CAST: variants seen among roughly 807,000 people sequenced by gnomAD.
The protein encoded by CAST is MIR583 host.
In CAST, 76 loss-of-function variants were observed where a neutral mutation model predicts 119.6. That is an observed-to-expected ratio of 0.64 (90% CI 0.53 to 0.77). The LOEUF (loss-of-function observed/expected upper bound fraction) is 0.77, where lower values mean the gene tolerates loss of function less well. CAST is among the 30% of genes least tolerant of loss of function. The pLI is 0.00. For synonymous variants in CAST, 319 were observed against 331.6 expected (o/e 0.96, Z 0.41); for missense variants, 953 against 946.5 (o/e 1.01, Z -0.09).
chr5:96,481,496 A>G, the CAST span, among the ~76,000 whole-genome samples: 1 of 152,310 alleles, frequency 6.6e-6, no homozygotes, highest in African/African-American at 2.4e-5. Flanking sequence ...CTTGTGGCCC[A>G]ATAAGAAACA....
the CAST span, among the ~76,000 whole-genome samples, chr5:96,482,019 T>C: frequency 6.6e-6 from 1 of 152,178 alleles, no homozygotes; most frequent in Non-Finnish European, 1.5e-5. Context: ...TACATGAGCA[T>C]GGTAATGAAG....
chr5:96,290,440 C>G, the CAST span, among the ~76,000 whole-genome samples: 1 of 151,080 alleles, frequency 6.6e-6, no homozygotes, highest in African/African-American at 2.4e-5. Context: ...TATAGCAATT[C>G]CCCTTTTATT....
At chr5:96,111,780 G>C in the CAST span, among the ~76,000 whole-genome samples, 1 of 152,040 alleles carries the variant, frequency 6.6e-6, no homozygotes, top group Non-Finnish European at 1.5e-5. Flanking sequence ...ATGTTGGAGG[G>C]CACCAATTTA....
chr5:96,283,830 T>G, the CAST span, among the ~76,000 whole-genome samples: 1 of 152,250 alleles, frequency 6.6e-6, no homozygotes, highest in Admixed American at 6.5e-5. Context: ...AGTTCCTTTC[T>G]CAAATGACTT....
At position 96,750,736 on chromosome 5, in the gene CAST, T is replaced by C. The variant is rs373334279; in HGVS notation, c.1524+54T>C. 4 of 938,604 alleles carry C rather than the reference T, an allele frequency of 4.3e-6. No individual in the cohort carries two copies. The African/African-American group carries it at 6.5e-5, about 15-fold the overall frequency. 58.1% of individuals were successfully genotyped at this position (938,604 alleles called of 1,614,324 possible). ...TGGCTTGAGAAAGTTTTCTGCCTCC[T>C]CCTGTCACTCTCTGCTGTGTATTAC... On this transcript the variant is annotated intron_variant, in intron 20 of 31. Coordinates refer to ENST00000675179, the MANE Select transcript of CAST (RefSeq NM_001750.7).
At chr5:96,352,457 A>T in the CAST span, among the ~76,000 whole-genome samples, 1 of 152,166 alleles carries the variant, frequency 6.6e-6, no homozygotes, top group East Asian at 1.9e-4. Flanking sequence ...ACTGTTTCTA[A>T]GGGTTTCAGA....
chr5:96,569,892 T>C (rs988701714), intron 1 of CAST, among the ~76,000 whole-genome samples: 1 of 152,236 alleles, frequency 6.6e-6, no homozygotes, highest in African/African-American at 2.4e-5. Context: ...ATACATCTGA[T>C]TCGGCAGGGG....
chr5:96,283,857 C>CG, the CAST span, among the ~76,000 whole-genome samples: 1 of 152,164 alleles, frequency 6.6e-6, no homozygotes, highest in African/African-American at 2.4e-5. Context: ...CTGTTAGTAA[C>CG]GGAAGGTCAG....
chr5:96,104,216 G>T, the CAST span, among the ~76,000 whole-genome samples: 328 of 152,008 alleles, frequency 2.2e-3, 3 homozygotes, highest in South Asian at 0.012. Flanking sequence ...TTTCTTTTGC[G>T]GTGCAGAAGC....
At chr5:96,366,752 G>T in the CAST span, among the ~76,000 whole-genome samples, 1 of 152,084 alleles carries the variant, frequency 6.6e-6, no homozygotes, top group Non-Finnish European at 1.5e-5. Context: ...AAGGTTTTTA[G>T]CTTCTTTACG....
chr5:96,622,881 T>TTTTA (rs1747645574), intron 1 of CAST, among the ~76,000 whole-genome samples: 1 of 139,574 alleles, frequency 7.2e-6, no homozygotes, highest in East Asian at 2.0e-4. Flanking sequence ...TTTTTTTTTT[T>TTTTA]GAGACGGAGT....
At chr5:96,759,147 T>C (rs1277905700) in intron 24 of CAST, among the ~76,000 whole-genome samples, 1 of 152,166 alleles carries the variant, frequency 6.6e-6, no homozygotes, top group African/African-American at 2.4e-5. Context: ...GTGCCAACAA[T>C]ATAGTTAATA....
chr5:96,463,840 T>C, the CAST span, among the ~76,000 whole-genome samples: 1 of 152,106 alleles, frequency 6.6e-6, no homozygotes, highest in African/African-American at 2.4e-5. Flanking sequence ...TTTCACCACC[T>C]CTGTTCATTT....
the CAST span, chr5:95,961,741 C>A: frequency 1.0e-5 from 16 of 1,537,502 alleles, no homozygotes; most frequent in Admixed American, 2.4e-4. Flanking sequence ...CCCGGGGTGC[C>A]GCCGCCGCCG....
chr5:96,394,874 T>A, the CAST span: 1 of 1,614,094 alleles, frequency 6.2e-7, no homozygotes, highest in Non-Finnish European at 8.5e-7. Context: ...CTCCCCTGGA[T>A]CCACCATCTT....
At chr5:96,087,509 A>T in the CAST span, among the ~76,000 whole-genome samples, 4 of 152,168 alleles carry the variant, frequency 2.6e-5, no homozygotes, top group Admixed American at 2.6e-4. Flanking sequence ...GTGTCAGTGG[A>T]ATGGAGGGAG....
chr5:96,572,163 T>A (rs1746580467), intron 1 of CAST, among the ~76,000 whole-genome samples: 1 of 151,942 alleles, frequency 6.6e-6, no homozygotes, highest in Non-Finnish European at 1.5e-5. Context: ...GTTGCAGAAC[T>A]AGGATTTGAA....
chr5:96,670,362 A>T, intron 1 of CAST, among the ~76,000 whole-genome samples: 1 of 151,838 alleles, frequency 6.6e-6, no homozygotes, highest in East Asian at 1.9e-4. Context: ...CTCATACTTT[A>T]AAAAATAATA....
the CAST span, among the ~76,000 whole-genome samples, chr5:96,242,776 C>T: frequency 6.6e-6 from 1 of 152,126 alleles, no homozygotes; most frequent in Non-Finnish European, 1.5e-5. Flanking sequence ...TGCTATGATT[C>T]ACATTTCCAG....
Sources: gnomAD v4.1 joint callset for allele counts (sites outside exome capture counted in the v4.1 genomes callset) on GRCh38, gnomAD v4.1.1 for gene constraint, MANE v1.5 for transcripts, NCBI Gene and HGNC (gene_info 2026-07-23, HGNC 2026-07-21) for gene names.